VIRMA: variants seen among roughly 807,000 people sequenced by gnomAD.
VIRMA encodes vir like m6A methyltransferase associated.
VIRMA carries 65 observed loss-of-function variants against 182.4 expected under a neutral mutation model. The ratio of observed to expected loss-of-function variants is 0.36; its 90% confidence interval spans 0.29 to 0.44. VIRMA has a LOEUF of 0.44. Among genes scored for constraint, VIRMA ranks in the 20% least tolerant of loss-of-function variants. The pLI is 1.00. For synonymous variants in VIRMA, 709 were observed against 743.1 expected (o/e 0.95, Z 0.75); for missense variants, 1,752 against 2,158.1 (o/e 0.81, Z 3.73).
intron 5 of VIRMA, among the ~76,000 whole-genome samples, chr8:94,533,196 G>A (rs1815228456): frequency 1.3e-5 from 2 of 149,474 alleles, no homozygotes. Context: ...GAAAAATGAA[G>A]GACTGAAAGA....
chr8:94,517,054 A>G (rs1814584381), intron 10 of VIRMA, among the ~76,000 whole-genome samples: 1 of 152,226 alleles, frequency 6.6e-6, no homozygotes, highest in Non-Finnish European at 1.5e-5. Flanking sequence ...ATATACTTTA[A>G]AAAATAATAT....
intron 4 of VIRMA, among the ~76,000 whole-genome samples, chr8:94,536,812 T>C (rs1815361702): frequency 6.6e-6 from 1 of 152,108 alleles, no homozygotes; most frequent in South Asian, 2.1e-4. Flanking sequence ...ACCCCGTCCC[T>C]ACTAAAAATA....
intron 23 of VIRMA, among the ~76,000 whole-genome samples, 185 bp downstream of exon 23, chr8:94,489,754 G>A (rs943903421): frequency 3.3e-5 from 5 of 152,092 alleles, no homozygotes; most frequent in African/African-American, 1.2e-4. Flanking sequence ...AAGGCTTCCA[G>A]TCAACAGTAT....
chr8:94,506,775 C>T (rs1266797909), intron 15 of VIRMA, 58 bp from the exon 16 acceptor site: 1 of 1,068,796 alleles, frequency 9.4e-7, no homozygotes, highest in Non-Finnish European at 1.4e-6. Flanking sequence ...CATCACTTAG[C>T]ACTTTTGAGA....
intron 8 of VIRMA, among the ~76,000 whole-genome samples, chr8:94,522,448 T>C (rs1814807120): frequency 6.6e-6 from 1 of 152,180 alleles, no homozygotes; most frequent in Non-Finnish European, 1.5e-5. Context: ...CTTGGTGCTC[T>C]TGGGGAACCT....
At chr8:94,550,981 A>G (rs1048461927) in intron 1 of VIRMA, among the ~76,000 whole-genome samples, 2 of 152,048 alleles carry the variant, frequency 1.3e-5, no homozygotes, top group Non-Finnish European at 2.9e-5. Flanking sequence ...AGCCTCACCA[A>G]AGTGCCGGGA....
intron 8 of VIRMA, 137 bp from the exon 9 acceptor site, chr8:94,519,613 CAT>C (rs1814691134): frequency 1.2e-6 from 1 of 841,322 alleles, no homozygotes; most frequent in Non-Finnish European, 1.7e-6. Flanking sequence ...TAACTGAAAA[CAT>C]AATGTGAGTG....
chr8:94,546,189 T>C (rs1815755994), intron 1 of VIRMA, among the ~76,000 whole-genome samples: 1 of 151,120 alleles, frequency 6.6e-6, no homozygotes, highest in African/African-American at 2.5e-5. Flanking sequence ...AAGATTTTCA[T>C]CCACAGCCAG....
chr8:94,508,390 A>C (rs1814242882), intron 15 of VIRMA, among the ~76,000 whole-genome samples: 1 of 152,136 alleles, frequency 6.6e-6, no homozygotes, highest in African/African-American at 2.4e-5. Context: ...GGCCAGAAGT[A>C]AACTAAATTT....
At chr8:94,549,165 C>T (rs1410164127) in intron 1 of VIRMA, among the ~76,000 whole-genome samples, 2 of 152,216 alleles carry the variant, frequency 1.3e-5, no homozygotes, top group African/African-American at 4.8e-5. Flanking sequence ...CTTCTGAACT[C>T]AGTGGATTGG....
At chr8:94,532,257 C>A (rs1815196930) in intron 5 of VIRMA, among the ~76,000 whole-genome samples, 1 of 152,194 alleles carries the variant, frequency 6.6e-6, no homozygotes, top group Non-Finnish European at 1.5e-5. Context: ...CAGGCATGCA[C>A]CACCATGCCC....
chr8:94,526,060 G>A (rs1417004215), intron 8 of VIRMA, among the ~76,000 whole-genome samples, 163 bp downstream of exon 8: 3 of 152,162 alleles, frequency 2.0e-5, no homozygotes, highest in Non-Finnish European at 4.4e-5. Context: ...CTCACCCACA[G>A]TAACATACTT....
At chr8:94,525,113 TC>T (rs1289035560) in intron 8 of VIRMA, among the ~76,000 whole-genome samples, 1 of 152,032 alleles carries the variant, frequency 6.6e-6, no homozygotes, top group South Asian at 2.1e-4. Context: ...TTCTCAGGGT[TC>T]CCCCCAAAGG....
rs116754194 is a variant in VIRMA, at chr8:94,520,803, T to C, written c.2022-1327A>G. On this transcript the variant is annotated intron_variant, in intron 8 of 23. Transcript: ENST00000297591. ...ATGACTGTACTATAGAAAAATATAGTATACTCAGATTTACTACAGTAGACT... is the reference window on the plus strand; with the variant it reads ...ATGACTGTACTATAGAAAAATATAGCATACTCAGATTTACTACAGTAGACT... 3.6e-3 allele frequency among the ~76,000 whole-genome samples: 552 copies of C among 152,316 alleles called. 4 individuals carry two copies. Among genetic ancestry groups the C allele is most frequent in the African/African-American group, 0.012 (514 of 41,580 alleles).
chr8:94,511,576 AC>A lies in VIRMA; in HGVS notation c.2998del (p.Val1000LeufsTer18). 6.2e-7 allele frequency: 1 copy of A among 1,614,024 alleles called. No homozygotes were observed. The highest frequency in any genetic ancestry group is 8.5e-7 in the Non-Finnish European group (1 of 1,179,996). On this transcript the variant is annotated frameshift_variant, in exon 13 of 24. Transcript: ENST00000297591. LOFTEE classifies it high-confidence loss of function. ...GCAGCGAGCCATTGAAATAGTAGTA[AC>A]TCTGTGAAGGGTAGTCCCCATGTTG... is the stretch of plus-strand genomic sequence containing the variant. Reference protein sequence around the residue: ...HVNMGTTLHRVTTISMARCTL... With the variant: ...HVNMGTTLHRXTTISMARCTL...
chr8:94,513,425 CAAAA>C (rs34173786), intron 11 of VIRMA, among the ~76,000 whole-genome samples: 9 of 115,014 alleles, frequency 7.8e-5, no homozygotes, highest in Non-Finnish European at 9.5e-5. Context: ...GAGTCTAGAC[CAAAA>C]AAAAAAAAAA....
At chr8:94,547,831 G>A (rs543533276) in intron 1 of VIRMA, among the ~76,000 whole-genome samples, 1 of 147,764 alleles carries the variant, frequency 6.8e-6, no homozygotes, top group East Asian at 2.0e-4. Context: ...CCAAGAGTAC[G>A]AGACCAGCCT....
intron 8 of VIRMA, among the ~76,000 whole-genome samples, 153 bp from the exon 9 acceptor site, chr8:94,519,629 A>T (rs911290895): frequency 6.6e-6 from 1 of 152,216 alleles, no homozygotes; most frequent in Non-Finnish European, 1.5e-5. Context: ...GTGAGTGGCA[A>T]GTCTTCTCTA....
rs1813496017 is a variant in VIRMA at position 94,487,798 on chromosome 8, CT to C, written c.*907del. The C allele has an allele frequency of 6.6e-6, 1 of 152,038 alleles. No individual in the cohort carries two copies. The highest frequency in any genetic ancestry group is 1.9e-4 in the East Asian group (1 of 5,198). 9.4% of individuals were successfully genotyped at this position (152,038 alleles called of 1,614,324 possible). ...TTTCTCAAAGTTGTAAGCTTTATTT[CT>C]ATGTATAAAGTCCAGCTTTATTAGA... On this transcript the variant is annotated 3_prime_UTR_variant, in exon 24 of 24. Coordinates refer to ENST00000297591, the MANE Select transcript of VIRMA (RefSeq NM_015496.5).
Sources: allele counts gnomAD v4.1 joint callset (sites outside exome capture counted in the v4.1 genomes callset), GRCh38; gene constraint gnomAD v4.1.1; transcripts MANE v1.5; gene names NCBI Gene and HGNC (gene_info 2026-07-23, HGNC 2026-07-21).